MBNL2: variants seen among roughly 807,000 people sequenced by gnomAD.
The protein encoded by MBNL2 is muscleblind like splicing regulator 2, also known as muscleblind-like protein 2.
A neutral mutation model predicts 41.9 loss-of-function variants in MBNL2; 17 were observed. That is an observed-to-expected ratio of 0.41 (90% confidence interval 0.28 to 0.61). The LOEUF is 0.61. Ranked by LOEUF, MBNL2 falls within the 20% of genes least tolerant of loss-of-function variation. The probability of loss-of-function intolerance (pLI) is 0.35; values close to 1 mark genes in which losing one functional copy is unlikely to be tolerated. For missense variants in MBNL2, 336 were observed against 505.6 expected (o/e 0.66, Z 3.22); for synonymous variants, 195 against 182.9 (o/e 1.07, Z -0.53).
At chr13:97,256,883 C>T (rs551577913) in intron 1 of MBNL2, among the ~76,000 whole-genome samples, 4 of 152,268 alleles carry the variant, frequency 2.6e-5, no homozygotes, top group South Asian at 4.1e-4. Context: ...TTTTGATTAC[C>T]ACCAACAAGA....
intron 1 of MBNL2, among the ~76,000 whole-genome samples, chr13:97,222,781 ATAT>A (rs2152760847): frequency 6.6e-6 from 1 of 152,328 alleles, no homozygotes; most frequent in East Asian, 1.9e-4. Context: ...TTCATTTATT[ATAT>A]TATTTTTTAA....
At chr13:97,301,342 A>G (rs1305826373) in intron 2 of MBNL2, among the ~76,000 whole-genome samples, 1 of 152,204 alleles carries the variant, frequency 6.6e-6, no homozygotes, top group Non-Finnish European at 1.5e-5. Context: ...GCTTATATTA[A>G]TGCCTCAGGA....
the MBNL2 span, among the ~76,000 whole-genome samples, chr13:97,196,765 AT>A: frequency 6.6e-6 from 1 of 152,170 alleles, no homozygotes; most frequent in East Asian, 1.9e-4. Flanking sequence ...TAACCAGAAC[AT>A]TTCCACAATT....
the MBNL2 span, among the ~76,000 whole-genome samples, chr13:97,156,039 C>T: frequency 2.3e-4 from 25 of 108,866 alleles, 1 homozygote; most frequent in East Asian, 6.8e-3. Context: ...CCTATTTCTC[C>T]ACATCCTCTC....
At chr13:97,205,170 CAAAA>C in the MBNL2 span, among the ~76,000 whole-genome samples, 1 of 113,606 alleles carries the variant, frequency 8.8e-6, no homozygotes, top group East Asian at 2.5e-4. Context: ...GACTCTGTCT[CAAAA>C]AAAAAAATTA....
Position 97,393,716 on chromosome 13 carries a change from G to C in MBNL2, c.*2267G>C, listed in dbSNP as rs544899287. On this transcript the variant is annotated 3_prime_UTR_variant, in exon 9 of 9. Coordinates refer to ENST00000679496, the MANE Select transcript of MBNL2 (RefSeq NM_001382683.1). Reference sequence around the variant, plus strand: ...TGAGAGGATCTAAAACTATTTTTCTGTATAAATATTATTTGCCAAAAGTTT... The same window carrying C: ...TGAGAGGATCTAAAACTATTTTTCTCTATAAATATTATTTGCCAAAAGTTT... 5 of 152,374 alleles carry C rather than the reference G, an allele frequency of 3.3e-5. No individual in the cohort carries two copies. The highest frequency in any genetic ancestry group is 7.4e-5 in the Non-Finnish European group (5 of 67,940). The allele number at this position is 152,374 out of a possible 1,614,324, so 9.4% of individuals were successfully genotyped here. A position where few individuals can be genotyped will look rare whatever the true frequency, so the allele number is the denominator to read the frequency against.
chr13:97,329,264 C>T (rs990046513), intron 2 of MBNL2, among the ~76,000 whole-genome samples: 3 of 152,020 alleles, frequency 2.0e-5, no homozygotes, highest in South Asian at 2.1e-4. Flanking sequence ...AATCCAATGT[C>T]GACTCCATCA....
upstream of MBNL2, among the ~76,000 whole-genome samples, chr13:97,221,041 T>C (rs992814301): frequency 6.6e-6 from 1 of 152,148 alleles, no homozygotes; most frequent in Non-Finnish European, 1.5e-5. Context: ...GAATAAAGCA[T>C]GGTAGTTATT....
At chr13:97,318,409 C>A (rs969937656) in intron 2 of MBNL2, among the ~76,000 whole-genome samples, 2 of 152,168 alleles carry the variant, frequency 1.3e-5, no homozygotes. Flanking sequence ...GGCCTCAGTT[C>A]TCTGTCTGTC....
chr13:97,242,882 T>A (rs1329272521), intron 1 of MBNL2, among the ~76,000 whole-genome samples: 1 of 152,154 alleles, frequency 6.6e-6, no homozygotes, highest in Admixed American at 6.5e-5. Context: ...CGTTGTCCAA[T>A]GACATCATCC....
chr13:97,220,624 C>A (rs2040774558), upstream of MBNL2, among the ~76,000 whole-genome samples: 1 of 152,142 alleles, frequency 6.6e-6, no homozygotes, highest in Non-Finnish European at 1.5e-5. Context: ...TTTAAAAAAC[C>A]CGTCTGGCAA....
At chr13:97,282,361 A>T (rs2053604573) in intron 2 of MBNL2, among the ~76,000 whole-genome samples, 1 of 152,186 alleles carries the variant, frequency 6.6e-6, no homozygotes, top group African/African-American at 2.4e-5. Flanking sequence ...TCTCAAGAAA[A>T]AAATAAATAA....
At chr13:97,345,178 T>C (rs1021875701) in intron 4 of MBNL2, among the ~76,000 whole-genome samples, 1 of 152,232 alleles carries the variant, frequency 6.6e-6, no homozygotes, top group African/African-American at 2.4e-5. Context: ...TAAGTATGTC[T>C]GACTTCCACA....
At chr13:97,197,125 C>T in the MBNL2 span, among the ~76,000 whole-genome samples, 19 of 152,324 alleles carry the variant, frequency 1.2e-4, no homozygotes, top group East Asian at 2.9e-3. Context: ...CATATTAACT[C>T]TCCTATCTGT....
At chr13:97,175,701 T>C in the MBNL2 span, among the ~76,000 whole-genome samples, 1 of 152,130 alleles carries the variant, frequency 6.6e-6, no homozygotes, top group Non-Finnish European at 1.5e-5. Context: ...ATTGCCACCC[T>C]GCAAAAGGGT....
the MBNL2 span, among the ~76,000 whole-genome samples, chr13:97,148,572 T>C: frequency 6.6e-6 from 1 of 152,120 alleles, no homozygotes; most frequent in African/African-American, 2.4e-5. Flanking sequence ...AGAGAGTGTA[T>C]GGGAAATTTC....
At position 97,349,495 on chromosome 13, in the gene MBNL2, A is replaced by T. The variant is rs183447518; in HGVS notation, c.804+2428A>T. ...CTAATTGGTGTGTTGATTGATGGGCACTAAGAACACATTTTTCCACAAAAT... is the reference window on the plus strand; with the variant it reads ...CTAATTGGTGTGTTGATTGATGGGCTCTAAGAACACATTTTTCCACAAAAT... On this transcript the variant is annotated intron_variant, in intron 5 of 8. Coordinates refer to ENST00000679496, the MANE Select transcript of MBNL2 (RefSeq NM_001382683.1). Among the ~76,000 whole-genome samples, 139 of 152,258 alleles carry T rather than the reference A, an allele frequency of 9.1e-4. 1 individual carries two copies. Among genetic ancestry groups the T allele is most frequent in the Admixed American group, 1.6e-3 (25 of 15,300 alleles).
the MBNL2 span, among the ~76,000 whole-genome samples, chr13:97,144,392 G>C: frequency 6.8e-6 from 1 of 146,478 alleles, no homozygotes; most frequent in South Asian, 2.2e-4. Flanking sequence ...AAACCATGAA[G>C]CTCCTCTCCC....
the MBNL2 span, among the ~76,000 whole-genome samples, chr13:97,150,606 C>T: frequency 1.2e-4 from 19 of 152,314 alleles, no homozygotes; most frequent in South Asian, 3.5e-3. Context: ...TCACTCAATG[C>T]GGTTCTCACC....
Sources: gnomAD v4.1 joint callset for allele counts (sites outside exome capture counted in the v4.1 genomes callset) on GRCh38, gnomAD v4.1.1 for gene constraint, MANE v1.5 for transcripts, NCBI Gene and HGNC (gene_info 2026-07-23, HGNC 2026-07-21) for gene names.